STXBP6: variants seen among roughly 807,000 people sequenced by gnomAD.
The protein encoded by STXBP6 is syntaxin-binding protein 6.
Under a neutral mutation model 26.9 loss-of-function variants are expected in STXBP6, and 21 were observed. The observed-to-expected ratio is 0.78, with a 90% CI of 0.55 to 1.12. The LOEUF (loss-of-function observed/expected upper bound fraction) is 1.12, where lower values mean the gene tolerates loss of function less well. Among genes scored for constraint, STXBP6 ranks in the 50% most tolerant of loss-of-function variants. The probability of loss-of-function intolerance (pLI) is 0.00; values close to 1 mark genes in which losing one functional copy is unlikely to be tolerated. For missense variants in STXBP6, 232 were observed against 257.9 expected (o/e 0.90, Z 0.69); for synonymous variants, 97 against 92.6 (o/e 1.05, Z -0.27).
intron 1 of STXBP6, among the ~76,000 whole-genome samples, chr14:25,040,580 T>G (rs1265043982): frequency 6.6e-6 from 1 of 152,144 alleles, no homozygotes; most frequent in African/African-American, 2.4e-5. Context: ...AATGTATAGG[T>G]AGTATTAAAT....
At chr14:24,866,946 G>A (rs2069743786) in intron 2 of STXBP6, among the ~76,000 whole-genome samples, 1 of 152,012 alleles carries the variant, frequency 6.6e-6, no homozygotes, top group Non-Finnish European at 1.5e-5. Context: ...GGCTAGAAGA[G>A]CAAAAACAAC....
intron 2 of STXBP6, among the ~76,000 whole-genome samples, chr14:24,868,847 C>A (rs1181499509): frequency 6.6e-6 from 1 of 152,196 alleles, no homozygotes; most frequent in African/African-American, 2.4e-5. Flanking sequence ...GCAGTTGACT[C>A]TCCAGACCAA....
intron 2 of STXBP6, among the ~76,000 whole-genome samples, chr14:24,869,222 T>C (rs186545375): frequency 6.6e-6 from 1 of 152,274 alleles, no homozygotes; most frequent in Non-Finnish European, 1.5e-5. Flanking sequence ...GCTATCTCTC[T>C]TTTTTTAAAT....
At chr14:24,942,289 C>T (rs2072831086) in intron 2 of STXBP6, among the ~76,000 whole-genome samples, 1 of 152,108 alleles carries the variant, frequency 6.6e-6, no homozygotes, top group Admixed American at 6.5e-5. Flanking sequence ...CTGTCTGAGC[C>T]TCATTTTTAC....
chr14:24,901,352 C>CA (rs2071206192), intron 2 of STXBP6, among the ~76,000 whole-genome samples: 1 of 151,834 alleles, frequency 6.6e-6, no homozygotes, highest in Non-Finnish European at 1.5e-5. Context: ...TGGCTCCCCC[C>CA]CAAAAAAAGA....
At chr14:25,021,452 C>T (rs188901949) in intron 1 of STXBP6, among the ~76,000 whole-genome samples, 6 of 152,108 alleles carry the variant, frequency 3.9e-5, no homozygotes, top group Middle Eastern at 3.2e-3. Flanking sequence ...ATCAGTTTCC[C>T]GTTACAGGAA....
At chr14:24,905,938 A>G (rs965532121) in intron 2 of STXBP6, among the ~76,000 whole-genome samples, 1 of 152,216 alleles carries the variant, frequency 6.6e-6, no homozygotes, top group Non-Finnish European at 1.5e-5. Context: ...CATCTTATCC[A>G]TTGTAATAAG....
chr14:24,853,852 G>A (rs982207348), intron 4 of STXBP6, among the ~76,000 whole-genome samples: 35 of 152,074 alleles, frequency 2.3e-4, no homozygotes, highest in African/African-American at 8.2e-4. Context: ...GAAAGCTGAA[G>A]GGCTGGCTCA....
chr14:24,854,266 G>C lies in STXBP6; in HGVS notation c.451+1670C>G, dbSNP rs578130091. On this transcript the variant is annotated intron_variant, in intron 4 of 5. Transcript: ENST00000323944. ...AGCTCGTTTCCCTTGGAAGGACAGT[G>C]AGTGTGTGGCCCTTTTGCTTCCATC... is the stretch of plus-strand genomic sequence containing the variant. Among the ~76,000 whole-genome samples, 4 of 152,172 alleles carry C rather than the reference G, an allele frequency of 2.6e-5. No individual in the cohort carries two copies. The East Asian group carries it at 7.8e-4, about 29-fold the overall frequency.
intron 2 of STXBP6, among the ~76,000 whole-genome samples, chr14:24,915,551 T>C (rs1267849672): frequency 3.3e-5 from 5 of 152,136 alleles, no homozygotes; most frequent in South Asian, 2.1e-4. Context: ...CCTGTTCTGG[T>C]GAAGAAGCTA....
In STXBP6 at chr14:25,020,910, T is replaced by C. The variant is rs114524684; in HGVS notation, c.-33+28968A>G. Among the ~76,000 whole-genome samples the C allele has an allele frequency of 4.6e-3, 706 of 152,276 alleles. 4 individuals are homozygous for C. Among genetic ancestry groups the C allele is most frequent in the African/African-American group, 0.016 (678 of 41,550 alleles). On this transcript the variant is annotated intron_variant, in intron 1 of 5. Coordinates refer to ENST00000323944, the MANE Select transcript of STXBP6 (RefSeq NM_001394410.1). The stretch of plus-strand genomic sequence containing the variant: ...CTGTATCTCTGTCTGTGTCTACAAC[T>C]GTGCACCTGGACACTGGAGAAAGCC...
At chr14:24,884,327 G>T (rs934152241) in intron 2 of STXBP6, among the ~76,000 whole-genome samples, 2 of 152,270 alleles carry the variant, frequency 1.3e-5, no homozygotes, top group East Asian at 3.9e-4. Flanking sequence ...AAGAACAGCT[G>T]CAAACAGCTC....
intron 2 of STXBP6, among the ~76,000 whole-genome samples, chr14:24,945,043 G>A (rs1032149106): frequency 9.0e-4 from 135 of 150,652 alleles, no homozygotes; most frequent in Non-Finnish European, 1.3e-4. Flanking sequence ...TAATCCATGC[G>A]TGATGTCTTG....
At chr14:25,015,216 G>A (rs533414759) in intron 1 of STXBP6, among the ~76,000 whole-genome samples, 4 of 152,040 alleles carry the variant, frequency 2.6e-5, no homozygotes, top group Admixed American at 2.0e-4. Flanking sequence ...AAAGAGAACT[G>A]CTTTAAAAAA....
rs2139013258 is a variant in STXBP6 at position 24,840,333 on chromosome 14, T to C, written c.451+15603A>G. The stretch of plus-strand genomic sequence containing the variant: ...GGGCTGTGTATGTGACAGAGGCCTC[T>C]TGAGCCTTTACTTTTCCTCAACAAG... On this transcript the variant is annotated intron_variant, in intron 4 of 5. Transcript: ENST00000323944. Among the ~76,000 whole-genome samples, 4 of 152,348 alleles carry C rather than the reference T, an allele frequency of 2.6e-5. 1 individual carries two copies. The Middle Eastern group carries it at 0.014, about 518-fold the overall frequency.
In STXBP6 at chr14:24,979,406, T is replaced by A. The variant is rs550493211; in HGVS notation, c.-32-4556A>T. On this transcript the variant is annotated intron_variant, in intron 1 of 5. Transcript: ENST00000323944. The stretch of plus-strand genomic sequence containing the variant: ...GAGTCTTTGAAGTTAAGAACCAAGA[T>A]GATGTCACCCTGGAAGACTCTGGGG... 3.1e-4 allele frequency among the ~76,000 whole-genome samples: 47 copies of A among 152,342 alleles called. 1 individual carries two copies. In the South Asian group the frequency reaches 9.5e-3, roughly 31 times the overall value.
chr14:25,009,173 A>G (rs561585261), intron 1 of STXBP6, among the ~76,000 whole-genome samples: 2 of 152,364 alleles, frequency 1.3e-5, no homozygotes, highest in African/African-American at 2.4e-5. Context: ...GAACTGTATT[A>G]TAAGACGTCA....
Position 24,911,528 on chromosome 14 carries a change from G to A in STXBP6, c.155-54371C>T, listed in dbSNP as rs796686373. Among the ~76,000 whole-genome samples the A allele has an allele frequency of 6.6e-5, 10 of 152,118 alleles. 1 individual carries two copies. Among genetic ancestry groups the A allele is most frequent in the African/African-American group, 1.7e-4 (7 of 41,420 alleles). ...AAGAAAGAAAGAAACCAAGCAGGAC[G>A]ATGTCTCCACTATAGATACCAGCTT... On this transcript the variant is annotated intron_variant, in intron 2 of 5. Coordinates refer to ENST00000323944, the MANE Select transcript of STXBP6 (RefSeq NM_001394410.1).
chr14:24,943,534 T>A (rs1395045570), intron 2 of STXBP6, among the ~76,000 whole-genome samples: 4 of 152,256 alleles, frequency 2.6e-5, no homozygotes, highest in African/African-American at 9.6e-5. Context: ...CAGTTTTATG[T>A]TCCTTATGAA....
Sources: allele counts gnomAD v4.1 joint callset (sites outside exome capture counted in the v4.1 genomes callset), GRCh38; gene constraint gnomAD v4.1.1; transcripts MANE v1.5; gene names NCBI Gene and HGNC (gene_info 2026-07-23, HGNC 2026-07-21).